The following PCSK5 variants were observed in gnomAD, a reference collection of about 807,000 sequenced individuals.
The protein encoded by PCSK5 is proprotein convertase subtilisin/kexin type 5, also known as prohormone convertase 5.
PCSK5 carries 129 observed loss-of-function variants against 233.2 expected under a neutral mutation model. That is an observed-to-expected ratio of 0.55 (90% CI 0.48 to 0.64). The LOEUF (loss-of-function observed/expected upper bound fraction) is 0.64. Ranked by LOEUF, PCSK5 falls within the 30% of genes least tolerant of loss-of-function variation. PCSK5 has a pLI of 0.00. For synonymous variants in PCSK5, 825 were observed against 879.2 expected (o/e 0.94, Z 1.09); for missense variants, 2,076 against 2,430.1 (o/e 0.85, Z 3.06).
Position 76,169,764 on chromosome 9 carries a change from G to C in PCSK5, c.1680G>C (p.Trp560Cys). The C allele has an allele frequency of 6.2e-7, 1 of 1,613,492 alleles. No homozygotes were observed. Among genetic ancestry groups the C allele is most frequent in the Non-Finnish European group, 8.5e-7 (1 of 1,179,510 alleles). The change falls in exon 13 of 38, where the codon TGG becomes TGC. Residue 560 changes from tryptophan (W) to cysteine (C), a missense_variant. Coordinates refer to ENST00000674117, the MANE Select transcript of PCSK5 (RefSeq NM_001372043.1). Reference protein sequence around the residue: ...KNWEFMTIHCWGERAAGDWVL... With the variant: ...KNWEFMTIHCCGERAAGDWVL... ...GGGAGTTCATGACCATTCATTGCTG[G>C]GGAGAAAGAGCTGCTGGTGACTGGG...
At chr9:76,025,717 C>T (rs1828395737) in intron 4 of PCSK5, among the ~76,000 whole-genome samples, 1 of 152,100 alleles carries the variant, frequency 6.6e-6, no homozygotes, top group African/African-American at 2.4e-5. Flanking sequence ...CTTCTTTTCC[C>T]TCCTTATACT....
At chr9:76,125,917 A>G (rs1832831606) in intron 9 of PCSK5, among the ~76,000 whole-genome samples, 1 of 151,580 alleles carries the variant, frequency 6.6e-6, no homozygotes, top group Non-Finnish European at 1.5e-5. Flanking sequence ...CAATCTTTAT[A>G]GCAGGAAAGC....
chr9:76,334,034 C>A (rs1282194863), intron 34 of PCSK5, among the ~76,000 whole-genome samples: 18 of 152,120 alleles, frequency 1.2e-4, no homozygotes, highest in Admixed American at 6.5e-5. Context: ...GGAGGCCTCA[C>A]AATCATGGCA....
chr9:76,001,021 A>G (rs1827238018), intron 3 of PCSK5, among the ~76,000 whole-genome samples: 1 of 151,968 alleles, frequency 6.6e-6, no homozygotes, highest in Non-Finnish European at 1.5e-5. Context: ...GAGTTGAGCA[A>G]TGTTTTTTAC....
intron 5 of PCSK5, among the ~76,000 whole-genome samples, chr9:76,043,954 T>C (rs1829254037): frequency 6.6e-6 from 1 of 152,290 alleles, no homozygotes; most frequent in African/African-American, 2.4e-5. Context: ...TCTCTCTCTA[T>C]GTCCCATCAC....
At chr9:76,122,189 T>C (rs1449670943) in intron 9 of PCSK5, among the ~76,000 whole-genome samples, 1 of 152,120 alleles carries the variant, frequency 6.6e-6, no homozygotes, top group East Asian at 1.9e-4. Context: ...CTTGGTTAAA[T>C]TTTTTATTAC....
At chr9:76,138,639 A>G (rs1055830868) in intron 10 of PCSK5, among the ~76,000 whole-genome samples, 2 of 152,016 alleles carry the variant, frequency 1.3e-5, no homozygotes, top group Non-Finnish European at 2.9e-5. Context: ...TTATAATTAT[A>G]ATTGAATGCA....
At chr9:76,267,412 A>C (rs1228159778) in intron 24 of PCSK5, among the ~76,000 whole-genome samples, 1 of 152,156 alleles carries the variant, frequency 6.6e-6, no homozygotes, top group Non-Finnish European at 1.5e-5. Flanking sequence ...CCTGCTTTCT[A>C]CTTTATGTGT....
intron 7 of PCSK5, among the ~76,000 whole-genome samples, chr9:76,085,285 G>A (rs889434834): frequency 1.3e-4 from 20 of 152,208 alleles, no homozygotes; most frequent in African/African-American, 4.8e-4. Flanking sequence ...GAACCCTGCT[G>A]TTTGTTCTGT....
intron 9 of PCSK5, among the ~76,000 whole-genome samples, chr9:76,125,712 A>T (rs1399488807): frequency 6.6e-6 from 1 of 152,192 alleles, no homozygotes; most frequent in Admixed American, 6.5e-5. Context: ...CAAGAAAAAA[A>T]TCCACAAGTT....
At chr9:76,029,041 T>C (rs1000764953) in intron 5 of PCSK5, among the ~76,000 whole-genome samples, 3 of 152,172 alleles carry the variant, frequency 2.0e-5, no homozygotes, top group African/African-American at 7.2e-5. Flanking sequence ...GGGAAAAGGC[T>C]GTCGATCACT....
chr9:76,022,939 A>G (rs1452702166), intron 3 of PCSK5, among the ~76,000 whole-genome samples: 2 of 152,020 alleles, frequency 1.3e-5, no homozygotes, highest in South Asian at 2.1e-4. Flanking sequence ...AGAACCTGTT[A>G]TTTTTTTCTC....
chr9:76,060,135 G>C (rs894477785), intron 5 of PCSK5, among the ~76,000 whole-genome samples: 25 of 152,100 alleles, frequency 1.6e-4, no homozygotes, highest in African/African-American at 5.3e-4. Context: ...ACAGAGCAAA[G>C]AATGTACACT....
intron 9 of PCSK5, among the ~76,000 whole-genome samples, chr9:76,110,524 T>G (rs1360965274): frequency 1.3e-5 from 2 of 152,156 alleles, no homozygotes; most frequent in African/African-American, 4.8e-5. Flanking sequence ...CTCTCTGCCA[T>G]TCAAAAACCT....
intron 21 of PCSK5, among the ~76,000 whole-genome samples, chr9:76,229,591 C>T (rs924291528): frequency 6.6e-6 from 1 of 152,062 alleles, no homozygotes; most frequent in African/African-American, 2.4e-5. Context: ...TCAATGAATT[C>T]AGAGAAAAAA....
chr9:76,015,437 C>T (rs1043828684), intron 3 of PCSK5, among the ~76,000 whole-genome samples: 2 of 152,070 alleles, frequency 1.3e-5, no homozygotes, highest in Non-Finnish European at 2.9e-5. Context: ...AACCATCACA[C>T]CGTCTCAAGA....
At chr9:76,074,512 G>C (rs887266800) in intron 7 of PCSK5, among the ~76,000 whole-genome samples, 1 of 152,114 alleles carries the variant, frequency 6.6e-6, no homozygotes, top group Admixed American at 6.5e-5. Flanking sequence ...AATGTGATGA[G>C]GTCAAGAAGA....
intron 7 of PCSK5, among the ~76,000 whole-genome samples, chr9:76,077,594 C>T (rs1413776419): frequency 1.3e-5 from 2 of 152,092 alleles, no homozygotes; most frequent in Non-Finnish European, 1.5e-5. Context: ...GTCTGTTGTT[C>T]CCATCATTAT....
chr9:76,321,089 C>T lies in PCSK5; in HGVS notation c.3885-333C>T, dbSNP rs1335740648. On this transcript the variant is annotated intron_variant, in intron 30 of 37. Transcript: ENST00000674117. ...TCGGCCTCCCAAAGTGCTGGGATTA[C>T]AAGCGTGAGCCACCACACCCGGCCA... is the stretch of plus-strand genomic sequence containing the variant. Among the ~76,000 whole-genome samples the T allele has an allele frequency of 4.0e-5, 6 of 149,796 alleles. No homozygotes were observed. The South Asian group carries it at 6.4e-4, about 16-fold the overall frequency.
Sources: allele counts gnomAD v4.1 joint callset (sites outside exome capture counted in the v4.1 genomes callset), GRCh38; gene constraint gnomAD v4.1.1; transcripts MANE v1.5; gene names NCBI Gene and HGNC (gene_info 2026-07-23, HGNC 2026-07-21).